The following ERC1 variants were observed in gnomAD, a reference collection of about 807,000 sequenced individuals.
The protein encoded by ERC1 is RAB6 interacting protein 2.
Under a neutral mutation model 132.0 loss-of-function variants are expected in ERC1, and 56 were observed. The observed-to-expected ratio is 0.42, with a 90% CI of 0.34 to 0.53. ERC1 has a LOEUF of 0.53. ERC1 is among the 20% of genes least tolerant of loss of function. The probability of loss-of-function intolerance (pLI) is 0.03; values close to 1 mark genes in which losing one functional copy is unlikely to be tolerated. For synonymous variants in ERC1, 478 were observed against 476.1 expected (o/e 1.00, Z -0.05); for missense variants, 1,202 against 1,349.9 (o/e 0.89, Z 1.72).
intron 7 of ERC1, among the ~76,000 whole-genome samples, chr12:1,132,997 A>G (rs6489262): frequency 0.93 from 141,523 of 151,694 alleles, 66,784 homozygotes; most frequent in East Asian, 1. Context: ...CTGGGATTAC[A>G]GGCATGCACC....
chr12:1,409,752 A>G (rs191639064), intron 17 of ERC1, among the ~76,000 whole-genome samples: 33 of 152,262 alleles, frequency 2.2e-4, no homozygotes, highest in East Asian at 9.7e-4. Context: ...TGCGTTGCCC[A>G]GGCTGGAGTG....
chr12:1,082,203 T>G (rs1942299317), intron 2 of ERC1, among the ~76,000 whole-genome samples: 1 of 152,040 alleles, frequency 6.6e-6, no homozygotes, highest in Non-Finnish European at 1.5e-5. Flanking sequence ...AATTTTTCTA[T>G]TTTTAGTGGA....
At chr12:1,227,844 A>G (rs375692599) in intron 12 of ERC1, among the ~76,000 whole-genome samples, 1 of 152,200 alleles carries the variant, frequency 6.6e-6, no homozygotes, top group Non-Finnish European at 1.5e-5. Context: ...GTCAGGGATA[A>G]GGGTCCAATT....
intron 12 of ERC1, among the ~76,000 whole-genome samples, chr12:1,198,988 C>A (rs1956616670): frequency 9.0e-6 from 1 of 111,564 alleles, no homozygotes; most frequent in Non-Finnish European, 1.8e-5. Context: ...ATGACCCAGT[C>A]ACTTCCCACC....
At chr12:1,105,483 A>G (rs1440125088) in intron 4 of ERC1, among the ~76,000 whole-genome samples, 1 of 151,890 alleles carries the variant, frequency 6.6e-6, no homozygotes, top group Non-Finnish European at 1.5e-5. Flanking sequence ...TCAGCCTCCC[A>G]AGTAGCTGGG....
chr12:1,067,705 A>G (rs1939479867), intron 2 of ERC1, among the ~76,000 whole-genome samples: 1 of 152,072 alleles, frequency 6.6e-6, no homozygotes, highest in Admixed American at 6.5e-5. Flanking sequence ...AGCAGAGGGC[A>G]TTTTCCTTTC....
intron 1 of ERC1, among the ~76,000 whole-genome samples, chr12:995,095 CAAA>C (rs1413419953): frequency 8.2e-6 from 1 of 121,696 alleles, no homozygotes; most frequent in Non-Finnish European, 1.7e-5. Context: ...GACTCTGTCT[CAAA>C]AAAAAAAAAA....
chr12:1,270,846 T>C lies in ERC1; in HGVS notation c.2619+7681T>C, dbSNP rs114526962. Among the ~76,000 whole-genome samples the C allele has an allele frequency of 7.3e-3, 1,105 of 151,982 alleles. 6 individuals are homozygous for C. Among genetic ancestry groups the C allele is most frequent in the African/African-American group, 0.025 (1,026 of 41,522 alleles). ...TCTGTGCAAGCCATCTAGCACAAAGTAAATTACATTAGTATAAAATTCTAA... is the reference window on the plus strand; with the variant it reads ...TCTGTGCAAGCCATCTAGCACAAAGCAAATTACATTAGTATAAAATTCTAA... On this transcript the variant is annotated intron_variant, in intron 14 of 18. Transcript: ENST00000360905.
intron 15 of ERC1, among the ~76,000 whole-genome samples, chr12:1,346,574 G>C (rs1230147936): frequency 6.6e-6 from 1 of 152,124 alleles, no homozygotes; most frequent in Non-Finnish European, 1.5e-5. Context: ...GACCCTAATA[G>C]AAAAAATAGA....
intron 15 of ERC1, among the ~76,000 whole-genome samples, chr12:1,327,145 T>G (rs73036647): frequency 0.035 from 5,264 of 152,198 alleles, 100 homozygotes; most frequent in Middle Eastern, 0.075. Flanking sequence ...CATGTCCTAA[T>G]TTACAAATTA....
intron 15 of ERC1, among the ~76,000 whole-genome samples, chr12:1,312,988 C>T (rs2081417418): frequency 6.6e-6 from 1 of 151,866 alleles, no homozygotes; most frequent in African/African-American, 2.4e-5. Context: ...AATGAACATC[C>T]AAAAGATGCT....
chr12:1,410,134 T>TTA (rs746713512), intron 17 of ERC1, among the ~76,000 whole-genome samples: 35 of 151,804 alleles, frequency 2.3e-4, no homozygotes, highest in East Asian at 1.4e-3. Flanking sequence ...TTTTATTGAT[T>TTA]TATATATATA....
intron 2 of ERC1, among the ~76,000 whole-genome samples, chr12:1,075,896 C>CAGA (rs1339099327): frequency 6.6e-6 from 1 of 152,084 alleles, no homozygotes; most frequent in Non-Finnish European, 1.5e-5. Context: ...TTGGCAGAGG[C>CAGA]AGAAGAAAAT....
chr12:1,313,850 G>A lies in ERC1; in HGVS notation c.2780+23838G>A, dbSNP rs191863440. On this transcript the variant is annotated intron_variant, in intron 15 of 18. Coordinates refer to ENST00000360905, the MANE Select transcript of ERC1 (RefSeq NM_178040.4). ...AATACAAAAATCAGCCGGGCATGGT[G>A]GTAGGTGCCTATAATCCCAGCTACT... 4.7e-4 allele frequency among the ~76,000 whole-genome samples: 72 copies of A among 152,208 alleles called. No individual in the cohort carries two copies. In the East Asian group the frequency reaches 0.014, roughly 29 times the overall value.
intron 18 of ERC1, among the ~76,000 whole-genome samples, chr12:1,464,838 C>G (rs1010729294): frequency 6.6e-6 from 1 of 151,792 alleles, no homozygotes; most frequent in Non-Finnish European, 1.5e-5. Context: ...CTTTTTTAAT[C>G]TAGTTTTTAT....
chr12:1,453,371 C>T (rs2093465286), intron 18 of ERC1, among the ~76,000 whole-genome samples: 1 of 152,160 alleles, frequency 6.6e-6, no homozygotes, highest in African/African-American at 2.4e-5. Flanking sequence ...AGATTTTGTA[C>T]CAATTCTCTA....
chr12:1,383,355 G>T (rs1375401729), intron 16 of ERC1, among the ~76,000 whole-genome samples: 1 of 151,928 alleles, frequency 6.6e-6, no homozygotes, highest in African/African-American at 2.4e-5. Flanking sequence ...TAGTTTGAGG[G>T]TCGTTCCCTC....
At position 1,183,385 on chromosome 12, in the gene ERC1, G is replaced by A. The variant is rs1954701885; in HGVS notation, c.2121G>A (p.Lys707=). ...KTLEIALEQK[K]EECLKMESQL... ...TAGAGATTGCTTTGGAGCAGAAGAAGGAGGAGTGTCTGAAAATGGAATCAC... is the reference window on the plus strand; with the variant it reads ...TAGAGATTGCTTTGGAGCAGAAGAAAGAGGAGTGTCTGAAAATGGAATCAC... The change falls in exon 11 of 19, where the codon AAG becomes AAA. Residue 707 remains lysine, a synonymous_variant. Transcript: ENST00000360905. 3 of 1,588,186 alleles carry A rather than the reference G, an allele frequency of 1.9e-6. No individual in the cohort carries two copies. Among genetic ancestry groups the A allele is most frequent in the East Asian group, 2.2e-5 (1 of 44,554 alleles).
At chr12:1,315,767 G>A (rs2081650046) in intron 15 of ERC1, among the ~76,000 whole-genome samples, 1 of 152,196 alleles carries the variant, frequency 6.6e-6, no homozygotes, top group Non-Finnish European at 1.5e-5. Flanking sequence ...AAGAGACAAG[G>A]TGGGACCGAT....
Sources: allele counts gnomAD v4.1 joint callset (sites outside exome capture counted in the v4.1 genomes callset), GRCh38; gene constraint gnomAD v4.1.1; transcripts MANE v1.5; gene names NCBI Gene and HGNC (gene_info 2026-07-23, HGNC 2026-07-21).